The following GRIA3 variants were observed in gnomAD, a reference collection of about 807,000 sequenced individuals.
GRIA3 encodes glutamate ionotropic receptor AMPA type subunit 3, also known as glutamate receptor 3.
A neutral mutation model predicts 63.0 loss-of-function variants in GRIA3; 3 were observed. The observed-to-expected ratio is 0.05, with a 90% CI of 0.02 to 0.12. The LOEUF is 0.12. Among genes scored for constraint, GRIA3 ranks in the 10% least tolerant of loss-of-function variants. The probability of loss-of-function intolerance (pLI) is 1.00; values close to 1 mark genes in which losing one functional copy is unlikely to be tolerated. For synonymous variants in GRIA3, 274 were observed against 257.9 expected (o/e 1.06, Z -0.60); for missense variants, 347 against 700.9 (o/e 0.50, Z 5.70).
At chrX:123,290,558 G>T (rs772827281) in intron 3 of GRIA3, among the ~76,000 whole-genome samples, 64 of 106,929 alleles carry the variant, frequency 6.0e-4, no homozygotes, top group African/African-American at 2.1e-3. Flanking sequence ...TCTAAATTCT[G>T]TTTCTCTTGC....
intron 2 of GRIA3, 140 bp downstream of exon 2, chrX:123,186,130 T>C: frequency 1.8e-6 from 1 of 545,449 alleles, no homozygotes; most frequent in South Asian, 2.5e-5. Flanking sequence ...TCCGGTTTCA[T>C]GTTGCATAAA....
chrX:123,339,641 T>C (rs980369686), intron 4 of GRIA3, among the ~76,000 whole-genome samples: 7 of 112,064 alleles, frequency 6.2e-5, no homozygotes, highest in Non-Finnish European at 1.1e-4. Flanking sequence ...TTGGTTGAAC[T>C]AAGTTTCCAA....
intron 5 of GRIA3, among the ~76,000 whole-genome samples, chrX:123,392,701 G>T (rs1319006658): frequency 8.9e-6 from 1 of 111,942 alleles, no homozygotes; most frequent in Non-Finnish European, 1.9e-5. Context: ...TGAGTCAGAT[G>T]TTTCCTGTCA....
chrX:123,185,423 C>G (rs1195333924), intron 1 of GRIA3, among the ~76,000 whole-genome samples: 2 of 99,686 alleles, frequency 2.0e-5, no homozygotes, highest in Non-Finnish European at 4.0e-5. Context: ...GTTGGGGTAG[C>G]AGGGGGAACA....
chrX:123,338,829 C>T (rs1025233585), intron 4 of GRIA3, among the ~76,000 whole-genome samples: 3 of 112,210 alleles, frequency 2.7e-5, no homozygotes, highest in African/African-American at 9.7e-5. Flanking sequence ...GGATTACAGG[C>T]GTGAGCCACC....
intron 3 of GRIA3, among the ~76,000 whole-genome samples, chrX:123,313,130 A>G: frequency 9.0e-6 from 1 of 111,439 alleles, no homozygotes. Flanking sequence ...TCATATCCCC[A>G]TTGGAAAAAA....
intron 5 of GRIA3, among the ~76,000 whole-genome samples, chrX:123,367,436 T>C (rs186644076): frequency 0.078 from 8,482 of 108,927 alleles, 848 homozygotes; most frequent in African/African-American, 0.27. Flanking sequence ...GTTTTTTGTT[T>C]TTTGTTTTTT....
intron 12 of GRIA3, among the ~76,000 whole-genome samples, chrX:123,461,397 G>A (rs2045791952): frequency 9.0e-6 from 1 of 111,668 alleles, no homozygotes; most frequent in Non-Finnish European, 1.9e-5. Context: ...ACTTCGTGGG[G>A]GCAGGAAAGG....
chrX:123,290,396 A>G (rs1480709084), intron 3 of GRIA3, among the ~76,000 whole-genome samples: 1 of 111,718 alleles, frequency 9.0e-6, no homozygotes, highest in Non-Finnish European at 1.9e-5. Flanking sequence ...GAGCTTCTCA[A>G]TACAATTCCA....
At chrX:123,406,355 C>A (rs2045473914) in intron 10 of GRIA3, among the ~76,000 whole-genome samples, 1 of 111,476 alleles carries the variant, frequency 9.0e-6, no homozygotes, top group African/African-American at 3.3e-5. Flanking sequence ...CTGAGAAGCT[C>A]CAGCTGGCAA....
At chrX:123,330,187 A>C (rs188976915) in intron 4 of GRIA3, among the ~76,000 whole-genome samples, 2 of 112,585 alleles carry the variant, frequency 1.8e-5, no homozygotes, top group East Asian at 5.6e-4. Context: ...ATGCCAAAGC[A>C]AAGTGTTTTC....
intron 3 of GRIA3, among the ~76,000 whole-genome samples, chrX:123,316,010 TAA>T (rs59913158): frequency 0.11 from 8,680 of 81,855 alleles, 356 homozygotes; most frequent in Middle Eastern, 0.13. Flanking sequence ...ACCCCATCTC[TAA>T]AAAAAAAAAA....
chrX:123,411,210 T>C (rs1259634002), intron 10 of GRIA3, among the ~76,000 whole-genome samples: 1 of 112,107 alleles, frequency 8.9e-6, no homozygotes, highest in Non-Finnish European at 1.9e-5. Context: ...TAGAGCCCTG[T>C]GGTTGATACA....
At chrX:123,260,252 G>C (rs1373089237) in intron 3 of GRIA3, among the ~76,000 whole-genome samples, 2 of 104,070 alleles carry the variant, frequency 1.9e-5, no homozygotes, top group African/African-American at 3.5e-5. Context: ...GGTTGTCATT[G>C]GTAAGGGGCT....
chrX:123,304,525 T>C (rs1205005810), intron 3 of GRIA3, among the ~76,000 whole-genome samples: 1 of 111,703 alleles, frequency 9.0e-6, no homozygotes, highest in Admixed American at 9.5e-5. Flanking sequence ...CCAGGCTCCT[T>C]CTCTTATTCA....
chrX:123,357,929 T>C (rs988710786), intron 5 of GRIA3, among the ~76,000 whole-genome samples: 19 of 111,334 alleles, frequency 1.7e-4, no homozygotes, highest in Non-Finnish European at 3.6e-4. Context: ...CTATATCAAA[T>C]TGCATTTGGG....
intron 4 of GRIA3, among the ~76,000 whole-genome samples, chrX:123,337,089 G>A (rs969986753): frequency 8.9e-6 from 1 of 112,182 alleles, no homozygotes; most frequent in African/African-American, 3.2e-5. Context: ...ATCTGGTGGA[G>A]TCAGAGAAGA....
intron 5 of GRIA3, among the ~76,000 whole-genome samples, chrX:123,367,451 T>C (rs1002366440): frequency 4.5e-5 from 5 of 110,152 alleles, no homozygotes. Flanking sequence ...TTTTTTGTTT[T>C]TTTGAGACAG....
At chrX:123,267,449 AGAATCATTAAC>A (rs1242710068) in intron 3 of GRIA3, among the ~76,000 whole-genome samples, 1 of 112,320 alleles carries the variant, frequency 8.9e-6, no homozygotes, top group East Asian at 2.8e-4. Flanking sequence ...CTCAGCCAGT[AGAATCATTAAC>A]ATATGAGTAA....
Sources: allele counts gnomAD v4.1 joint callset (sites outside exome capture counted in the v4.1 genomes callset), GRCh38; gene constraint gnomAD v4.1.1; transcripts MANE v1.5; gene names NCBI Gene and HGNC (gene_info 2026-07-23, HGNC 2026-07-21).